Variants in KLHL8 observed in about 807,000 individuals in gnomAD.
KLHL8 encodes the protein kelch-like protein 8.
KLHL8 carries 38 observed loss-of-function variants against 63.5 expected under a neutral mutation model. The ratio of observed to expected loss-of-function variants is 0.60; its 90% CI spans 0.46 to 0.78. The LOEUF (loss-of-function observed/expected upper bound fraction) is 0.78. Among genes scored for constraint, KLHL8 ranks in the 30% least tolerant of loss-of-function variants. The probability of loss-of-function intolerance (pLI) is 0.00; values close to 1 mark genes in which losing one functional copy is unlikely to be tolerated. For synonymous variants in KLHL8, 224 were observed against 254.3 expected (o/e 0.88, Z 1.13); for missense variants, 566 against 752.4 (o/e 0.75, Z 2.90).
chr4:87,191,984 T>C (rs1422379820), intron 2 of KLHL8, among the ~76,000 whole-genome samples: 1 of 152,218 alleles, frequency 6.6e-6, no homozygotes, highest in African/African-American at 2.4e-5. Context: ...AGTGTATATA[T>C]AACACATTTT....
intron 1 of KLHL8, among the ~76,000 whole-genome samples, chr4:87,227,191 A>G (rs764933675): frequency 1.3e-5 from 2 of 151,296 alleles, no homozygotes; most frequent in Non-Finnish European, 2.9e-5. Context: ...TGTTAGCAGG[A>G]TGGCTGAAAG....
At chr4:87,235,315 G>C (rs1406856729) in intron 1 of KLHL8, among the ~76,000 whole-genome samples, 1 of 151,982 alleles carries the variant, frequency 6.6e-6, no homozygotes, top group African/African-American at 2.4e-5. Flanking sequence ...CCTACGTTTA[G>C]GTACACAAAT....
intron 6 of KLHL8, among the ~76,000 whole-genome samples, chr4:87,175,874 A>C (rs1394759280): frequency 1.3e-5 from 2 of 152,220 alleles, no homozygotes; most frequent in East Asian, 3.8e-4. Flanking sequence ...TATTTTCTTA[A>C]CATGATAAAA....
chr4:87,234,081 A>G (rs1168678498), intron 1 of KLHL8, among the ~76,000 whole-genome samples: 2 of 152,196 alleles, frequency 1.3e-5, no homozygotes, highest in African/African-American at 4.8e-5. Context: ...TTAAAGTACA[A>G]TCATAAATCA....
chr4:87,200,138 CAAAAAAAAAAAAAA>C (rs61605160), intron 1 of KLHL8, among the ~76,000 whole-genome samples: 1 of 73,706 alleles, frequency 1.4e-5, no homozygotes, highest in Non-Finnish European at 2.5e-5. Context: ...GAGACTGCCT[CAAAAAAAAAAAAAA>C]AAAAAAAAGA....
At chr4:87,228,283 C>A (rs552424485) in intron 1 of KLHL8, among the ~76,000 whole-genome samples, 2 of 152,218 alleles carry the variant, frequency 1.3e-5, no homozygotes, top group African/African-American at 2.4e-5. Context: ...AATTATTGAA[C>A]CTATGGGGGC....
intron 1 of KLHL8, among the ~76,000 whole-genome samples, chr4:87,196,867 ATCTACC>A (rs1167015523): frequency 1.3e-5 from 2 of 152,220 alleles, no homozygotes; most frequent in Admixed American, 1.3e-4. Flanking sequence ...AGGGATACCT[ATCTACC>A]TCATGGCACT....
chr4:87,235,495 C>T (rs1450232239), intron 1 of KLHL8, among the ~76,000 whole-genome samples: 1 of 152,124 alleles, frequency 6.6e-6, no homozygotes, highest in Admixed American at 6.6e-5. Context: ...ATGCATTTCT[C>T]AGAATCTTGT....
rs1360361262 is a variant in KLHL8 at position 87,164,048 on chromosome 4, T to A, written c.1569A>T (p.Ser523=). The change falls in exon 9 of 10, where the codon TCA becomes TCT. Residue 523 remains serine, a synonymous_variant. Transcript: ENST00000273963. ...TGCTTCGGGGGTCATACCGCTCAAC[T>A]GAACTCAGAGGAGAATTATCATCAA... ...GGFDDNSPLS[S]VERYDPRSNK... 4 of 1,614,180 alleles carry A rather than the reference T, an allele frequency of 2.5e-6. No homozygotes were observed. In the East Asian group the frequency reaches 8.9e-5, roughly 36 times the overall value.
chr4:87,219,497 C>CAA (rs3036245), intron 1 of KLHL8: 145,124 of 152,256 alleles, frequency 0.95, 69,536 homozygotes, highest in East Asian at 1. Flanking sequence ...TAGCTTAGGG[C>CAA]AGAGTCAAGA....
intron 8 of KLHL8, among the ~76,000 whole-genome samples, chr4:87,165,496 C>T (rs1730362644): frequency 6.6e-6 from 1 of 151,894 alleles, no homozygotes; most frequent in African/African-American, 2.4e-5. Flanking sequence ...TGGGCTCAAG[C>T]GATCCTCCCA....
At chr4:87,164,200 T>A (rs894892900) in intron 8 of KLHL8, 121 bp from the exon 9 acceptor site, 18 of 919,782 alleles carry the variant, frequency 2.0e-5, no homozygotes, top group African/African-American at 1.7e-4. Context: ...TTAGAGAAAA[T>A]TTTTTTAAAA....
upstream of KLHL8, among the ~76,000 whole-genome samples, chr4:87,221,768 C>A (rs981603140): frequency 5.3e-5 from 8 of 151,954 alleles, no homozygotes; most frequent in Admixed American, 3.3e-4. Context: ...GAAAAAAAAT[C>A]ACATTTTTTA....
rs560426616 is a variant in KLHL8, at chr4:87,216,339, C to T, written c.-152+4079G>A. Among the ~76,000 whole-genome samples, 6 of 152,188 alleles carry T rather than the reference C, an allele frequency of 3.9e-5. No homozygotes were observed. In the South Asian group the frequency reaches 1.0e-3, roughly 26 times the overall value. ...AAAATAGCCTGTTCTCTTTCCTTTCCGCAATATAACCTGTTTCTCTTTCCT... is the reference window on the plus strand; with the variant it reads ...AAAATAGCCTGTTCTCTTTCCTTTCTGCAATATAACCTGTTTCTCTTTCCT... On this transcript the variant is annotated intron_variant, in intron 1 of 9. Transcript: ENST00000273963.
chr4:87,232,301 A>G (rs868785875), intron 1 of KLHL8, among the ~76,000 whole-genome samples: 1 of 152,192 alleles, frequency 6.6e-6, no homozygotes, highest in Non-Finnish European at 1.5e-5. Context: ...ATCTTTCTCC[A>G]ATCTGCTTTT....
chr4:87,182,460 T>A (rs921231739), intron 4 of KLHL8, among the ~76,000 whole-genome samples: 3 of 152,260 alleles, frequency 2.0e-5, no homozygotes, highest in South Asian at 2.1e-4. Flanking sequence ...GATAACTGCA[T>A]ATTTAGATTG....
At chr4:87,166,028 T>A (rs1388793997) in intron 8 of KLHL8, among the ~76,000 whole-genome samples, 1 of 152,210 alleles carries the variant, frequency 6.6e-6, no homozygotes, top group Non-Finnish European at 1.5e-5. Flanking sequence ...ATATAACACA[T>A]GTCAATGCCT....
At position 87,178,521 on chromosome 4, in the gene KLHL8, T is replaced by G. The variant is rs1282304789; in HGVS notation, c.1052A>C (p.Glu351Ala). Residue 351 changes from glutamate to alanine, a missense_variant, in exon 5 of 10, where the codon GAA (glutamate) becomes GCA (alanine). Transcript: ENST00000273963. ...CACATGTCGCCTTCGACTATTCATT[T>G]CTGGTCCAAAGAACCAACTGTTTTT... ...INKNSWFFGP[E>A]MNSRRRHVGV... 2 of 1,612,450 alleles carry G rather than the reference T, an allele frequency of 1.2e-6. No homozygotes were observed.
chr4:87,176,855 T>G lies in KLHL8; in HGVS notation c.1110A>C (p.Ala370=), dbSNP rs750256475. The part of the protein sequence containing the change: ...GVISVEGKVY[A]VGGHDGNEHL... Reference sequence around the variant, plus strand: ...GTTCATTTCCATCATGTCCACCTACTGCATACACTTTACCTGTCAAATAGA... The same window carrying G: ...GTTCATTTCCATCATGTCCACCTACGGCATACACTTTACCTGTCAAATAGA... Residue 370 remains alanine (A), a synonymous_variant, in exon 6 of 10, where the codon GCA becomes GCC. Transcript: ENST00000273963. The G allele has an allele frequency of 5.0e-6, 8 of 1,588,774 alleles. No individual in the cohort carries two copies. The highest frequency in any genetic ancestry group is 6.9e-6 in the Non-Finnish European group (8 of 1,163,826).
Sources: allele counts gnomAD v4.1 joint callset (sites outside exome capture counted in the v4.1 genomes callset), GRCh38; gene constraint gnomAD v4.1.1; transcripts MANE v1.5; gene names NCBI Gene and HGNC (gene_info 2026-07-23, HGNC 2026-07-21).